SAMMSON: variants seen among roughly 807,000 people sequenced by gnomAD.
SAMMSON encodes survival associated mitochondrial melanoma specific oncogenic non-coding RNA, also known as long intergenic non-protein coding RNA 1212.
At chr3:70,402,056 C>A (rs893674683) in intron 2 of SAMMSON, among the ~76,000 whole-genome samples, 1 of 152,142 alleles carries the variant, frequency 6.6e-6, no homozygotes, top group South Asian at 2.1e-4. Flanking sequence ...CTGTGGAAAT[C>A]CTGCTTTATT....
At chr3:70,022,558 C>G (rs1043234949) in intron 3 of SAMMSON, among the ~76,000 whole-genome samples, 1 of 151,226 alleles carries the variant, frequency 6.6e-6, no homozygotes, top group East Asian at 1.9e-4. Flanking sequence ...ATTTATGGAA[C>G]TAATTTTATT....
At chr3:70,408,303 C>T (rs1206505253) in intron 2 of SAMMSON, among the ~76,000 whole-genome samples, 7 of 152,238 alleles carry the variant, frequency 4.6e-5, no homozygotes, top group Non-Finnish European at 8.8e-5. Flanking sequence ...ATATCTGCAA[C>T]CAGCTTGAAT....
rs1281674590 is a variant in SAMMSON at position 70,028,183 on chromosome 3, C to CT, written n.417+14513dup. On this transcript the variant is annotated intron_variant and non_coding_transcript_variant, in intron 3 of 9. Transcript: ENST00000642114. ...CCTTCCTTCCTTCCTTCCTTCCTTC[C>CT]TTCCTTTCTTTCTTTCTTTCTCTCT... Among the ~76,000 whole-genome samples, 344 of 136,002 alleles carry CT rather than the reference C, an allele frequency of 2.5e-3. 3 individuals carry two copies. Among genetic ancestry groups the CT allele is most frequent in the Admixed American group, 0.014 (185 of 13,080 alleles). The allele number at this position is 136,002 out of a possible 152,430, so 89.2% of individuals were successfully genotyped here. A position where few individuals can be genotyped will look rare whatever the true frequency, so the allele number is the denominator to read the frequency against.
intron 7 of SAMMSON, among the ~76,000 whole-genome samples, chr3:70,308,377 A>T (rs1184899450): frequency 6.6e-6 from 1 of 152,128 alleles, no homozygotes; most frequent in Non-Finnish European, 1.5e-5. Context: ...TTTTTAAATC[A>T]TGCCTTGTTT....
chr3:70,096,417 A>C lies in SAMMSON; in HGVS notation n.507+24852A>C, dbSNP rs192895851. 5.2e-3 allele frequency among the ~76,000 whole-genome samples: 790 copies of C among 152,196 alleles called. 3 individuals carry two copies. Among genetic ancestry groups the C allele is most frequent in the Middle Eastern group, 0.02 (6 of 294 alleles). The stretch of plus-strand genomic sequence containing the variant: ...AAATTAGCTTGGTGCGGTGGCGCAT[A>C]CCTGTAGTTCCAGCTACTCAGGAGA... On this transcript the variant is annotated intron_variant and non_coding_transcript_variant, in intron 4 of 9. Coordinates refer to ENST00000642114, the Ensembl canonical transcript of SAMMSON.
chr3:70,059,541 G>A (rs1429848065), intron 3 of SAMMSON, among the ~76,000 whole-genome samples: 1 of 152,082 alleles, frequency 6.6e-6, no homozygotes, highest in East Asian at 1.9e-4. Context: ...AGGAGCACTG[G>A]TGTTTGGAAG....
At chr3:70,197,268 A>G in intron 4 of SAMMSON, 1 of 397,732 alleles carries the variant, frequency 2.5e-6, no homozygotes, top group Admixed American at 4.4e-5. Context: ...GATACTTGAT[A>G]ACTTGATAGC....
chr3:70,235,334 C>A (rs1701597217), intron 4 of SAMMSON, among the ~76,000 whole-genome samples: 1 of 152,166 alleles, frequency 6.6e-6, no homozygotes, highest in African/African-American at 2.4e-5. Flanking sequence ...TTTCCATCTT[C>A]AAATTCCTCT....
intron 6 of SAMMSON, among the ~76,000 whole-genome samples, chr3:70,263,285 T>C (rs1701885351): frequency 6.6e-6 from 1 of 151,756 alleles, no homozygotes; most frequent in Non-Finnish European, 1.5e-5. Flanking sequence ...AGTGCTGGTT[T>C]TTAAAAAAAT....
chr3:70,171,058 G>T (rs1181609554), intron 4 of SAMMSON, among the ~76,000 whole-genome samples: 2 of 151,742 alleles, frequency 1.3e-5, no homozygotes, highest in Admixed American at 1.3e-4. Flanking sequence ...GCAGAATTTG[G>T]CTCTGTGATA....
intron 3 of SAMMSON, among the ~76,000 whole-genome samples, chr3:70,057,122 A>G (rs565933089): frequency 6.6e-6 from 1 of 152,182 alleles, no homozygotes; most frequent in South Asian, 2.1e-4. Flanking sequence ...AATTACATTC[A>G]GAGCACTTCC....
At chr3:70,424,951 AGAG>A (rs990675062) in intron 2 of SAMMSON, 1 of 152,400 alleles carries the variant, frequency 6.6e-6, no homozygotes, top group Non-Finnish European at 1.5e-5. Flanking sequence ...TGAAGAAGAA[AGAG>A]GAGGAGGAGG....
rs1330531476 is a variant in SAMMSON, at chr3:70,251,378, A to AT, written n.674+1715dup. Among the ~76,000 whole-genome samples, 6 of 152,222 alleles carry AT rather than the reference A, an allele frequency of 3.9e-5. No individual in the cohort carries two copies. The East Asian group carries it at 9.7e-4, about 24-fold the overall frequency. ...TATGCCATAATAGGGGGACTATCTG[A>AT]TTTTTTTATCTGACTATGCATCCCA... is the stretch of plus-strand genomic sequence containing the variant. On this transcript the variant is annotated intron_variant and non_coding_transcript_variant, in intron 6 of 9. Transcript: ENST00000642114.
At chr3:70,179,976 G>T (rs1468108106) in intron 4 of SAMMSON, among the ~76,000 whole-genome samples, 1 of 150,320 alleles carries the variant, frequency 6.7e-6, no homozygotes, top group Admixed American at 6.7e-5. Flanking sequence ...TCATGGGATA[G>T]ATTTTTATTA....
chr3:70,302,798 G>A (rs1702363870), intron 7 of SAMMSON: 1 of 152,102 alleles, frequency 6.6e-6, no homozygotes, highest in Non-Finnish European at 1.5e-5. Flanking sequence ...TAATTCATCT[G>A]GTCATAGTCT....
chr3:70,399,990 G>C (rs564468794), intron 2 of SAMMSON, among the ~76,000 whole-genome samples: 1 of 149,054 alleles, frequency 6.7e-6, no homozygotes, highest in Non-Finnish European at 1.5e-5. Flanking sequence ...ATTTTTTTAA[G>C]TAAGGTAAGA....
intron 7 of SAMMSON, among the ~76,000 whole-genome samples, chr3:70,317,349 A>C (rs1219072819): frequency 6.6e-6 from 1 of 151,962 alleles, no homozygotes; most frequent in African/African-American, 2.4e-5. Flanking sequence ...TTCCAACAAT[A>C]TATGTTCACT....
intron 3 of SAMMSON, among the ~76,000 whole-genome samples, chr3:70,032,833 A>G (rs770704964): frequency 8.5e-5 from 13 of 152,326 alleles, no homozygotes; most frequent in Admixed American, 3.9e-4. Flanking sequence ...CAACAGGGCT[A>G]AGCTCAGAGG....
intron 4 of SAMMSON, among the ~76,000 whole-genome samples, chr3:70,104,651 T>C (rs1274805871): frequency 6.6e-6 from 1 of 152,152 alleles, no homozygotes; most frequent in East Asian, 1.9e-4. Context: ...TTTTAAAACA[T>C]CTTTCAAATG....
Sources: gnomAD v4.1 joint callset for allele counts (sites outside exome capture counted in the v4.1 genomes callset) on GRCh38, gnomAD v4.1.1 for gene constraint, MANE v1.5 for transcripts, NCBI Gene and HGNC (gene_info 2026-07-23, HGNC 2026-07-21) for gene names.